The following CPNE3 variants were observed in gnomAD, a reference collection of about 807,000 sequenced individuals.
The protein encoded by CPNE3 is copine 3, also known as copine-3.
In CPNE3, 68 loss-of-function variants were observed where a neutral mutation model predicts 63.9. That is an observed-to-expected ratio of 1.06 (90% CI 0.87 to 1.30). The LOEUF (loss-of-function observed/expected upper bound fraction) is 1.30, where lower values mean the gene tolerates loss of function less well. CPNE3 is among the 50% of genes most tolerant of loss of function. The pLI is 0.00. For missense variants in CPNE3, 665 were observed against 578.1 expected (o/e 1.15, Z -1.54); for synonymous variants, 219 against 197.5 (o/e 1.11, Z -0.91).
chr8:86,558,314 T>G lies in CPNE3; in HGVS notation c.1518T>G (p.Cys506Trp). 1.1e-6 allele frequency: 1 copy of G among 872,976 alleles called. No individual in the cohort carries two copies. The highest frequency in any genetic ancestry group is 2.0e-6 in the Non-Finnish European group (1 of 501,660). 54.1% of individuals were successfully genotyped at this position (872,976 alleles called of 1,614,324 possible). A position where few individuals can be genotyped will look rare whatever the true frequency, so the allele number is the denominator to read the frequency against. ...CTCCAAAAGAAGCACTTGCTCAGTG[T>G]GTCTTGGCAGAGATTCCCCAGCAGG... ...QNAPKEALAQ[C>W]VLAEIPQQVV... Residue 506 changes from cysteine to tryptophan, a missense_variant, in exon 17 of 17, where the codon TGT becomes TGG. Coordinates refer to ENST00000517490, the MANE Select transcript of CPNE3 (RefSeq NM_003909.5).
At chr8:86,530,938 C>G (rs529863022) in intron 4 of CPNE3, among the ~76,000 whole-genome samples, 2 of 151,962 alleles carry the variant, frequency 1.3e-5, no homozygotes, top group Non-Finnish European at 2.9e-5. Context: ...GTAATCTGCC[C>G]GCCTCAGCCT....
At chr8:86,515,818 TC>T (rs1820289220) in intron 2 of CPNE3, among the ~76,000 whole-genome samples, 1 of 152,176 alleles carries the variant, frequency 6.6e-6, no homozygotes, top group Non-Finnish European at 1.5e-5. Flanking sequence ...TATCCTGATG[TC>T]ATTAATAAGG....
chr8:86,528,664 A>G lies in CPNE3; in HGVS notation c.119A>G (p.Gln40Arg). The G allele has an allele frequency of 1.2e-6, 2 of 1,613,152 alleles. No homozygotes were observed. The highest frequency in any genetic ancestry group is 1.7e-6 in the Non-Finnish European group (2 of 1,179,724). ...LCVLFLNTSG[Q>R]QWYEVERTER... ...GTGTTGTTTTTGAATACAAGTGGTC[A>G]ACAGTGGTATGAGGTAATGTCAAAT... Residue 40 changes from glutamine to arginine, a missense_variant, in exon 3 of 17, where the codon CAA becomes CGA. Transcript: ENST00000517490.
At chr8:86,533,024 T>TTATCTATCTATCTATCTATC (rs56759618) in intron 6 of CPNE3, among the ~76,000 whole-genome samples, 4 of 145,612 alleles carry the variant, frequency 2.7e-5, no homozygotes, top group Middle Eastern at 3.5e-3. Context: ...TTTATCTATC[T>TTATCTATCTATCTATCTATC]TATCTATCTA....
chr8:86,531,364 G>A (rs1820679999), intron 5 of CPNE3, 135 bp downstream of exon 5: 1 of 650,904 alleles, frequency 1.5e-6, no homozygotes, highest in South Asian at 1.8e-5. Flanking sequence ...ATCCACCCAT[G>A]TCTTGTAGTT....
intron 2 of CPNE3, among the ~76,000 whole-genome samples, chr8:86,516,568 A>G (rs955556360): frequency 1.1e-4 from 16 of 151,942 alleles, no homozygotes; most frequent in African/African-American, 3.6e-4. Flanking sequence ...TATTTATTTT[A>G]TAATAAAGAT....
At chr8:86,532,626 C>A (rs748172197) in intron 6 of CPNE3, 46 bp downstream of exon 6, 31 of 1,510,998 alleles carry the variant, frequency 2.1e-5, no homozygotes, top group Non-Finnish European at 2.6e-5. Context: ...TGTTTTGCCT[C>A]TTTTTTAAGA....
Position 86,537,605 on chromosome 8 carries a change from C to A in CPNE3, c.502C>A (p.Gln168Lys). ...KSDPYLEFHKQTSDGNWLMVH... is the reference protein window; with the variant it reads ...KSDPYLEFHKKTSDGNWLMVH... Reference sequence around the variant, plus strand: ...AGACCCATACCTGGAATTCCACAAGCAGACATCTGATGGAAACTGGCTAAT... The same window carrying A: ...AGACCCATACCTGGAATTCCACAAGAAGACATCTGATGGAAACTGGCTAAT... The change falls in exon 7 of 17, where the codon CAG becomes AAG. Residue 168 changes from glutamine to lysine, a missense_variant. Transcript: ENST00000517490. 1 of 1,610,962 alleles carries A rather than the reference C, an allele frequency of 6.2e-7. No homozygotes were observed. Among genetic ancestry groups the A allele is most frequent in the Non-Finnish European group, 8.5e-7 (1 of 1,177,236 alleles).
rs974820999 is a variant in CPNE3, at chr8:86,560,424, C to A, written c.*2014C>A. 3 of 152,182 alleles carry A rather than the reference C, an allele frequency of 2.0e-5. No individual in the cohort carries two copies. The highest frequency in any genetic ancestry group is 4.4e-5 in the Non-Finnish European group (3 of 68,042). The allele number at this position is 152,182 out of a possible 1,614,324, so 9.4% of individuals were successfully genotyped here. ...AGTCACTGGGCATATCCTCCTTCTC[C>A]TTAACCAGCTCCACAGCAGCCCCTG... On this transcript the variant is annotated 3_prime_UTR_variant, in exon 17 of 17. Coordinates refer to ENST00000517490, the MANE Select transcript of CPNE3 (RefSeq NM_003909.5).
chr8:86,554,709 T>G, intron 14 of CPNE3, 142 bp from the exon 15 acceptor site: 1 of 934,246 alleles, frequency 1.1e-6, no homozygotes, highest in Non-Finnish European at 1.6e-6. Context: ...ATACATAGCT[T>G]AGAGGAACTA....
chr8:86,539,908 G>T (rs746832587), intron 7 of CPNE3, among the ~76,000 whole-genome samples: 61 of 151,906 alleles, frequency 4.0e-4, no homozygotes, highest in Non-Finnish European at 7.9e-4. Flanking sequence ...CAGATGATCT[G>T]CCCGTCTCGG....
intron 4 of CPNE3, among the ~76,000 whole-genome samples, chr8:86,530,893 T>C (rs1053720600): frequency 6.6e-6 from 1 of 151,908 alleles, no homozygotes; most frequent in African/African-American, 2.4e-5. Context: ...GGTTTCACCA[T>C]GTTGGCCAGG....
intron 14 of CPNE3, 81 bp downstream of exon 14, chr8:86,551,315 T>C: frequency 9.8e-7 from 1 of 1,021,606 alleles, no homozygotes; most frequent in Middle Eastern, 2.2e-4. Context: ...TCTTTGTTTT[T>C]TTTCTTGTGA....
chr8:86,549,789 G>C (rs1245648165), intron 12 of CPNE3, among the ~76,000 whole-genome samples: 1 of 152,156 alleles, frequency 6.6e-6, no homozygotes, highest in African/African-American at 2.4e-5. Flanking sequence ...TCCAGCCAGG[G>C]GGAAGAGAAG....
At chr8:86,543,253 CA>C (rs1820980292) in intron 8 of CPNE3, among the ~76,000 whole-genome samples, 2 of 152,000 alleles carry the variant, frequency 1.3e-5, no homozygotes, top group South Asian at 4.1e-4. Context: ...AAAATGCCTG[CA>C]AAGCATTTTC....
chr8:86,545,563 A>G (rs150386191), intron 9 of CPNE3, among the ~76,000 whole-genome samples: 8 of 152,314 alleles, frequency 5.3e-5, no homozygotes, highest in African/African-American at 1.7e-4. Flanking sequence ...ATACTCAACA[A>G]TTAATACTTA....
chr8:86,551,833 T>TA (rs1409334128), intron 14 of CPNE3, among the ~76,000 whole-genome samples: 11 of 152,282 alleles, frequency 7.2e-5, no homozygotes, highest in Non-Finnish European at 8.8e-5. Context: ...TTTATTTATT[T>TA]AAAAAAATAG....
rs1369555706 is a variant in CPNE3 at position 86,548,315 on chromosome 8, C to T, written c.894C>T (p.Phe298=). 6.2e-7 allele frequency: 1 copy of T among 1,614,014 alleles called. No individual in the cohort carries two copies. The highest frequency in any genetic ancestry group is 8.5e-7 in the Non-Finnish European group (1 of 1,179,980). Residue 298 remains phenylalanine, a synonymous_variant, in exon 12 of 17, where the codon TTC becomes TTT. Coordinates refer to ENST00000517490, the MANE Select transcript of CPNE3 (RefSeq NM_003909.5). ...CQLNFTVGVD[F]TGSNGDPRSP... is the part of the protein sequence containing the mutation. ...TTATTTGGCAGGTGGGAGTGGACTT[C>T]ACTGGCTCCAATGGTGACCCAAGGT...
intron 14 of CPNE3, chr8:86,551,455 T>TA (rs1414131242): frequency 2.1e-6 from 1 of 471,388 alleles, no homozygotes; most frequent in Non-Finnish European, 3.7e-6. Flanking sequence ...AAATCAGTAT[T>TA]ATGATGATGA....
Sources: allele counts gnomAD v4.1 joint callset (sites outside exome capture counted in the v4.1 genomes callset), GRCh38; gene constraint gnomAD v4.1.1; transcripts MANE v1.5; gene names NCBI Gene and HGNC (gene_info 2026-07-23, HGNC 2026-07-21).